LMO7: variants seen among roughly 807,000 people sequenced by gnomAD.
LMO7 encodes the protein LIM domain only protein 7.
In LMO7, 120 loss-of-function variants were observed where a neutral mutation model predicts 206.5. That is an observed-to-expected ratio of 0.58 (90% CI 0.50 to 0.68). The LOEUF (loss-of-function observed/expected upper bound fraction) is 0.68, where lower values mean the gene tolerates loss of function less well. Among genes scored for constraint, LMO7 ranks in the 30% least tolerant of loss-of-function variants. The pLI is 0.00. For missense variants in LMO7, 1,959 were observed against 1,957.9 expected, an observed-to-expected ratio of 1.00 and a Z score of -0.01; for synonymous variants, 706 against 681.5, an observed-to-expected ratio of 1.04 and a Z score of -0.56.
intron 4 of LMO7, among the ~76,000 whole-genome samples, chr13:75,787,198 G>A (rs1204279559): frequency 6.6e-6 from 1 of 152,188 alleles, no homozygotes; most frequent in African/African-American, 2.4e-5. Flanking sequence ...ACCTTAATAT[G>A]CACTCTGTTT....
At chr13:75,678,384 G>A (rs531449518) in intron 1 of LMO7, among the ~76,000 whole-genome samples, 2 of 152,308 alleles carry the variant, frequency 1.3e-5, no homozygotes, top group Admixed American at 6.5e-5. Context: ...GCATTTCTGT[G>A]ATGGCCAGTG....
chr13:75,678,460 T>G (rs1302557406), intron 1 of LMO7, among the ~76,000 whole-genome samples: 3 of 152,228 alleles, frequency 2.0e-5, no homozygotes, highest in Non-Finnish European at 4.4e-5. Context: ...TCTGTTCATA[T>G]CCTTCGCCCT....
rs146831267 is a variant in LMO7, at chr13:75,814,458, TG to T, written c.1947-2702del. On this transcript the variant is annotated intron_variant, in intron 11 of 30. Coordinates refer to ENST00000377534, the MANE Select transcript of LMO7 (RefSeq NM_001306080.2). ...TTCAGTACTATGAAAAAGGTATAGC[TG>T]AAGCAGTAGAGGGATTGAGAGGAGG... 2.7e-3 allele frequency among the ~76,000 whole-genome samples: 410 copies of T among 152,300 alleles called. 2 individuals are homozygous for T. Among genetic ancestry groups the T allele is most frequent in the African/African-American group, 9.5e-3 (393 of 41,550 alleles).
At chr13:75,827,268 T>C (rs940627358) in intron 15 of LMO7, among the ~76,000 whole-genome samples, 43 of 152,278 alleles carry the variant, frequency 2.8e-4, no homozygotes, top group African/African-American at 9.9e-4. Context: ...CTTTAGTGTG[T>C]GGGAATTTTA....
chr13:75,817,538 C>A (rs2057158787), intron 12 of LMO7, among the ~76,000 whole-genome samples: 1 of 151,816 alleles, frequency 6.6e-6, no homozygotes, highest in South Asian at 2.1e-4. Context: ...TGAGTTGCTT[C>A]CTTGCAGTAT....
intron 11 of LMO7, among the ~76,000 whole-genome samples, chr13:75,816,448 G>A (rs545104202): frequency 6.6e-6 from 1 of 152,342 alleles, no homozygotes; most frequent in South Asian, 2.1e-4. Context: ...GCACACATGT[G>A]CCTGTGCCCA....
intron 19 of LMO7, 75 bp downstream of exon 19, chr13:75,836,532 T>G: frequency 1.3e-6 from 1 of 778,428 alleles, no homozygotes; most frequent in Non-Finnish European, 2.0e-6. Flanking sequence ...GTTATAAAAA[T>G]TAATATCTGT....
chr13:75,705,090 G>C (rs935508629), intron 1 of LMO7, among the ~76,000 whole-genome samples: 7 of 152,148 alleles, frequency 4.6e-5, no homozygotes, highest in African/African-American at 1.2e-4. Flanking sequence ...CCCTCGGGAG[G>C]CCGCTCCGCC....
At chr13:75,710,681 G>C (rs2043028704) in intron 1 of LMO7, among the ~76,000 whole-genome samples, 1 of 151,972 alleles carries the variant, frequency 6.6e-6, no homozygotes, top group African/African-American at 2.4e-5. Flanking sequence ...TTGCCTATCA[G>C]CTTAAGGAGA....
intron 1 of LMO7, among the ~76,000 whole-genome samples, chr13:75,684,361 C>T (rs1400449125): frequency 1.3e-5 from 2 of 152,156 alleles, no homozygotes; most frequent in Non-Finnish European, 2.9e-5. Context: ...CCTGCCTCAG[C>T]CTCCTGAGTA....
intron 3 of LMO7, among the ~76,000 whole-genome samples, chr13:75,739,453 G>A (rs1248981578): frequency 6.6e-6 from 1 of 152,198 alleles, no homozygotes; most frequent in Non-Finnish European, 1.5e-5. Context: ...CAGGAAATGG[G>A]CAGTGATGCC....
chr13:75,840,519 G>A lies in LMO7; in HGVS notation c.3582+24G>A, dbSNP rs781661581. 2.5e-6 allele frequency: 4 copies of A among 1,610,272 alleles called. No homozygotes were observed. In the Admixed American group the frequency reaches 5.0e-5, roughly 20 times the overall value. ...AGGTAGCTCTGGCTCACGTGGACGG[G>A]TAGAAACTAGGTTGGATTTCACGGC... On this transcript the variant is annotated intron_variant, in intron 22 of 30. Coordinates refer to ENST00000377534, the MANE Select transcript of LMO7 (RefSeq NM_001306080.2).
At position 75,821,737 on chromosome 13, in the gene LMO7, T is replaced by G. The variant is rs1175443078; in HGVS notation, c.2640+128T>G. ...TAACATATATAAGGACATTTTATTT[T>G]ATGCCAGTTTAGATGCAATGGAAAC... On this transcript the variant is annotated intron_variant, in intron 14 of 30. Coordinates refer to ENST00000377534, the MANE Select transcript of LMO7 (RefSeq NM_001306080.2). 6 of 612,608 alleles carry G rather than the reference T, an allele frequency of 9.8e-6. No individual in the cohort carries two copies. The East Asian group carries it at 1.7e-4, about 17-fold the overall frequency. 37.9% of individuals were successfully genotyped at this position (612,608 alleles called of 1,614,324 possible). A position where few individuals can be genotyped will look rare whatever the true frequency, so the allele number is the denominator to read the frequency against.
chr13:75,636,548 G>T lies in LMO7; in HGVS notation c.-110G>T. 1 of 1,525,280 alleles carries T rather than the reference G, an allele frequency of 6.6e-7. No homozygotes were observed. Among genetic ancestry groups the T allele is most frequent in the East Asian group, 2.5e-5 (1 of 40,712 alleles). 94.5% of individuals were successfully genotyped at this position (1,525,280 alleles called of 1,614,324 possible). A position where few individuals can be genotyped will look rare whatever the true frequency, so the allele number is the denominator to read the frequency against. On this transcript the variant is annotated 5_prime_UTR_variant, in exon 1 of 31. Transcript: ENST00000377534. Reference sequence around the variant, plus strand: ...CGCCTTCGCAGCCGGAGCGGAAGCCGGAGTTGTGGGAGGCCCGCGTGCCCT... The same window carrying T: ...CGCCTTCGCAGCCGGAGCGGAAGCCTGAGTTGTGGGAGGCCCGCGTGCCCT...
At chr13:75,684,900 C>T (rs1217249701) in intron 1 of LMO7, among the ~76,000 whole-genome samples, 1 of 152,078 alleles carries the variant, frequency 6.6e-6, no homozygotes, top group Non-Finnish European at 1.5e-5. Context: ...AAGGCAAGAG[C>T]CCTAATTTTC....
At chr13:75,806,036 C>G in intron 9 of LMO7, 2 of 1,190,826 alleles carry the variant, frequency 1.7e-6, no homozygotes, top group Non-Finnish European at 2.1e-6. Context: ...CTCTTCCCTT[C>G]TTTTCTTCAT....
chr13:75,737,945 G>A (rs1173018611), intron 3 of LMO7, among the ~76,000 whole-genome samples: 2 of 150,200 alleles, frequency 1.3e-5, no homozygotes, highest in Non-Finnish European at 1.5e-5. Flanking sequence ...TCTTAGTTGA[G>A]GTTCCCAAAG....
chr13:75,751,291 G>T (rs1404283845), intron 3 of LMO7, among the ~76,000 whole-genome samples: 3 of 150,398 alleles, frequency 2.0e-5, no homozygotes, highest in South Asian at 2.1e-4. Context: ...CTCCCGAATA[G>T]CTGGGACTAC....
chr13:75,854,440 G>C (rs2060753529), intron 28 of LMO7, among the ~76,000 whole-genome samples: 1 of 152,102 alleles, frequency 6.6e-6, no homozygotes, highest in African/African-American at 2.4e-5. Flanking sequence ...GACAGAGGAG[G>C]GGGGACCCAT....
Sources: gnomAD v4.1 joint callset for allele counts (sites outside exome capture counted in the v4.1 genomes callset) on GRCh38, gnomAD v4.1.1 for gene constraint, MANE v1.5 for transcripts, NCBI Gene and HGNC (gene_info 2026-07-23, HGNC 2026-07-21) for gene names.